Variants in CHD8 observed in about 807,000 individuals in gnomAD.
CHD8 encodes the protein ATP-dependent chromatin remodeler CHD8.
Under a neutral mutation model 279.2 loss-of-function variants are expected in CHD8, and 31 were observed. That is an observed-to-expected ratio of 0.11 (90% CI 0.08 to 0.15). The LOEUF (loss-of-function observed/expected upper bound fraction) is 0.15, where lower values mean the gene tolerates loss of function less well. Among genes scored for constraint, CHD8 ranks in the 10% least tolerant of loss-of-function variants. The pLI is 1.00. For synonymous variants in CHD8, 1,081 were observed against 1,139.6 expected (o/e 0.95, Z 1.04); for missense variants, 2,146 against 3,230.5 (o/e 0.66, Z 8.14).
In CHD8 at chr14:21,415,534, TAAATAAATA is replaced by T. The variant is rs1198811908; in HGVS notation, c.1968+31_1968+39del. 1.5e-5 allele frequency: 16 copies of T among 1,038,990 alleles called. No individual in the cohort carries two copies. In the African/African-American group the frequency reaches 2.7e-4, roughly 18 times the overall value. 64.4% of individuals were successfully genotyped at this position (1,038,990 alleles called of 1,614,324 possible). ...ATAAATAAATAAATAAATAAATAAATAAATAAATAAAAATAATAATAATAATAAAAAGCC... is the reference window on the plus strand; with the variant it reads ...ATAAATAAATAAATAAATAAATAAATAAAATAATAATAATAATAAAAAGCC... On this transcript the variant is annotated intron_variant, in intron 7 of 37. Transcript: ENST00000646647.
rs1256269187 is a variant in CHD8, at chr14:21,426,163, G to T, written c.1681C>A (p.Gln561Lys). 2 of 1,611,058 alleles carry T rather than the reference G, an allele frequency of 1.2e-6. No individual in the cohort carries two copies. Among genetic ancestry groups the T allele is most frequent in the Non-Finnish European group, 8.5e-7 (1 of 1,177,604 alleles). ...CTTTCTTCATCTTCTCGAGGTGACT[G>T]TGCAGGCATGACTTCCACATCTGAA... ...DNSDVEVMPA[Q>K]SPREDEESSI... Residue 561 changes from glutamine to lysine, a missense_variant, in exon 5 of 38, where the codon CAG becomes AAG. This residue lies in a region of CHD8 where 123 missense variants were observed against 169.2 expected (regional missense o/e 0.73). Transcript: ENST00000646647.
rs1264534217 is a variant in CHD8, at chr14:21,395,077, C to A, written c.5225G>T (p.Gly1742Val). Reference protein sequence around the residue: ...QQPGHLFWPPGSALTARLRRL... With the variant: ...QQPGHLFWPPVSALTARLRRL... ...CCGAAGCCTAGCTGTTAGGGCAGAG[C>A]CCGGAGGCCAGAATAAATGGCCTGG... is the stretch of plus-strand genomic sequence containing the variant. Residue 1742 changes from glycine to valine, a missense_variant, in exon 30 of 38, where the codon GGC becomes GTC. Gly to Val is a moderately radical substitution (Grantham distance 109, BLOSUM62 -3). Transcript: ENST00000646647. 1.2e-6 allele frequency: 2 copies of A among 1,613,986 alleles called. No individual in the cohort carries two copies. Among genetic ancestry groups the A allele is most frequent in the Non-Finnish European group, 1.7e-6 (2 of 1,179,894 alleles).
rs201002609 is a variant in CHD8 at position 21,403,594 on chromosome 14, T to C, written c.3377A>G (p.Gln1126Arg). The part of the protein sequence containing the change: ...CHIIPHDFHL[Q>R]AMVRSAGKLV... ...TTTGCCGGCTGAACGAACCATGGCC[T>C]GCAGGTGAAAGTCATGAGGTATAAT... Residue 1126 changes from glutamine (Q) to arginine (R), a missense_variant, in exon 17 of 38, where the codon CAG (glutamine) becomes CGG (arginine). Gln to Arg is a conservative substitution (Grantham distance 43). Transcript: ENST00000646647. The surrounding 1 kb of genome is among the most constrained non-coding windows in gnomAD (Gnocchi z 4.3). 6.2e-7 allele frequency: 1 copy of C among 1,611,764 alleles called. No individual in the cohort carries two copies.
In CHD8 at chr14:21,408,679, T is replaced by C. The variant is rs1273612427; in HGVS notation, c.2486+25A>G. 2 of 1,603,988 alleles carry C rather than the reference T, an allele frequency of 1.2e-6. No individual in the cohort carries two copies. Among genetic ancestry groups the C allele is most frequent in the Non-Finnish European group, 1.7e-6 (2 of 1,175,360 alleles). On this transcript the variant is annotated intron_variant, in intron 12 of 37. Coordinates refer to ENST00000646647, the MANE Select transcript of CHD8 (RefSeq NM_001170629.2). The surrounding 1 kb of genome is among the most constrained non-coding windows in gnomAD (Gnocchi z 4.3). Reference sequence around the variant, plus strand: ...AAATAATCCCAGAACTAAGCTTACATCTTATGGCCCATTCTTTCCTTTACC... The same window carrying C: ...AAATAATCCCAGAACTAAGCTTACACCTTATGGCCCATTCTTTCCTTTACC...
At chr14:21,387,610 C>T (rs1339336024) in intron 37 of CHD8, among the ~76,000 whole-genome samples, 1 of 147,028 alleles carries the variant, frequency 6.8e-6, no homozygotes, top group Non-Finnish European at 1.5e-5. Flanking sequence ...CTCCATCCAG[C>T]CTGGACAACA....
chr14:21,430,204 A>G (rs537744915), intron 2 of CHD8: 137 of 155,480 alleles, frequency 8.8e-4, no homozygotes, highest in Non-Finnish European at 1.5e-3. Flanking sequence ...CTGGGATCAC[A>G]GGTGAGAGAC....
Position 21,392,625 on chromosome 14 carries a change from C to T in CHD8, c.6653G>A (p.Ser2218Asn). The T allele has an allele frequency of 6.2e-7, 1 of 1,613,980 alleles. No individual in the cohort carries two copies. The highest frequency in any genetic ancestry group is 8.5e-7 in the Non-Finnish European group (1 of 1,179,882). Residue 2218 changes from serine (S) to asparagine (N), a missense_variant, in exon 34 of 38, where the codon AGT (serine) becomes AAT (asparagine). By Grantham distance (46) the Ser-to-Asn change is conservative. Transcript: ENST00000646647. ...YGDSPVPTPRSSSAASMAEEE... is the reference protein window; with the variant it reads ...YGDSPVPTPRNSSAASMAEEE... The stretch of plus-strand genomic sequence containing the variant: ...CTCTGCCATGGAAGCTGCACTACTA[C>T]TTCGTGGTGTGGGGACTGGAGAGTC...
intron 27 of CHD8, among the ~76,000 whole-genome samples, chr14:21,396,308 T>TTA (rs1166846078): frequency 2.0e-5 from 3 of 151,886 alleles, no homozygotes; most frequent in Admixed American, 6.6e-5. Context: ...ATTTTTATTT[T>TTA]TATATATATA....
intron 1 of CHD8, among the ~76,000 whole-genome samples, chr14:21,454,424 T>A (rs1890336524): frequency 6.6e-6 from 1 of 152,172 alleles, no homozygotes; most frequent in South Asian, 2.1e-4. Flanking sequence ...TTCAAGCGAT[T>A]TTCATGCCTT....
intron 11 of CHD8, 118 bp downstream of exon 11, chr14:21,409,733 G>A (rs117381843): frequency 7.5e-6 from 7 of 933,630 alleles, no homozygotes; most frequent in South Asian, 3.6e-5. Flanking sequence ...CCATTTCTTC[G>A]ATTTTTATAT....
chr14:21,409,789 T>C (rs1487025959), intron 11 of CHD8, 62 bp downstream of exon 11: 1 of 1,494,384 alleles, frequency 6.7e-7, no homozygotes, highest in East Asian at 2.3e-5. Flanking sequence ...AAAAATTTCA[T>C]AGGGGAAAAA....
chr14:21,437,596 A>G lies in CHD8; in HGVS notation c.-215-5738T>C, dbSNP rs2139556567. 2.0e-5 allele frequency among the ~76,000 whole-genome samples: 3 copies of G among 152,270 alleles called. No homozygotes were observed. The South Asian group carries it at 6.2e-4, about 32-fold the overall frequency. On this transcript the variant is annotated intron_variant, in intron 1 of 37. Coordinates refer to ENST00000646647, the MANE Select transcript of CHD8 (RefSeq NM_001170629.2). ...AACTTGGGAGGGAGGGTTCCGCGCT[A>G]GGCCAGCTCCGCCTCCCTCTGAATC... is the stretch of plus-strand genomic sequence containing the variant.
chr14:21,402,393 C>T lies in CHD8; in HGVS notation c.3825G>A (p.Leu1275=). ...ATTGAAGCACAGCCTTATCCAACCC[C>T]AACTTGAGGCTGGCCTTATCAAACA... ...REMFDKASLK[L]GLDKAVLQSM... is the part of the protein sequence containing the mutation. The change falls in exon 19 of 38, where the codon TTG becomes TTA. Residue 1275 remains leucine, a synonymous_variant. Transcript: ENST00000646647. The surrounding 1 kb of genome is among the most constrained non-coding windows in gnomAD (Gnocchi z 4.5). The T allele has an allele frequency of 6.2e-7, 1 of 1,614,068 alleles. No homozygotes were observed. Among genetic ancestry groups the T allele is most frequent in the Non-Finnish European group, 8.5e-7 (1 of 1,179,960 alleles).
At position 21,400,802 on chromosome 14, in the gene CHD8, A is replaced by T; in HGVS notation, c.4370+73T>A. On this transcript the variant is annotated intron_variant, in intron 22 of 37. Coordinates refer to ENST00000646647, the MANE Select transcript of CHD8 (RefSeq NM_001170629.2). This position sits in a 1 kb window ranked among gnomAD's most constrained non-coding sequence, Gnocchi z 4.2. ...TCTTTGATCATAGCCCCCAATTTGA[A>T]AGGCAAACCAAGAGTATCTATCAGG... 2 of 1,450,062 alleles carry T rather than the reference A, an allele frequency of 1.4e-6. No individual in the cohort carries two copies. The highest frequency in any genetic ancestry group is 1.9e-6 in the Non-Finnish European group (2 of 1,074,934). 89.8% of individuals were successfully genotyped at this position (1,450,062 alleles called of 1,614,324 possible).
At position 21,431,332 on chromosome 14, in the gene CHD8, C is replaced by T. The variant is rs929799421; in HGVS notation, c.312G>A (p.Gln104=). ...DYTTQPASQE[Q]PAQPVLQTST... ...ATGTCTGTAAGACAGGTTGGGCTGG[C>T]TGCTCCTGGCTGGCAGGCTGAGTGG... Residue 104 remains glutamine, a synonymous_variant, in exon 2 of 38, where the codon CAG becomes CAA. Coordinates refer to ENST00000646647, the MANE Select transcript of CHD8 (RefSeq NM_001170629.2). 1 of 1,541,120 alleles carries T rather than the reference C, an allele frequency of 6.5e-7. No individual in the cohort carries two copies. The highest frequency in any genetic ancestry group is 8.7e-7 in the Non-Finnish European group (1 of 1,149,212).
chr14:21,396,593 T>TATTTA, intron 27 of CHD8: 1 of 151,868 alleles, frequency 6.6e-6, no homozygotes, highest in African/African-American at 2.4e-5. Flanking sequence ...TTTATTTATT[T>TATTTA]TTTGAGATGG....
At chr14:21,436,873 G>C (rs1362865986) in intron 1 of CHD8, 7 of 1,046,966 alleles carry the variant, frequency 6.7e-6, no homozygotes, top group Admixed American at 2.3e-5. Flanking sequence ...CGACTGGGGT[G>C]GGGGTGGGGG....
intron 33 of CHD8, 33 bp from the exon 34 acceptor site, chr14:21,392,842 G>T (rs760613512): frequency 1.9e-6 from 3 of 1,599,844 alleles, no homozygotes; most frequent in African/African-American, 2.7e-5. Context: ...ACCATTTTAA[G>T]AGTCTGAGTA....
Position 21,429,290 on chromosome 14 carries a change from C to T in CHD8, c.889G>A (p.Gly297Arg). Residue 297 changes from glycine to arginine, a missense_variant, in exon 3 of 38, where the codon GGA becomes AGA. Physicochemically the swap from Gly to Arg is moderately radical, Grantham distance 125. Around this residue, in one of 26 missense-constraint regions of CHD8, gnomAD observed 170 missense variants for 189.9 expected, o/e 0.90. Transcript: ENST00000646647. ...ACATGCCGATGTCCTTGGGGACCTC[C>T]AGACTGTGGCTGCTGGAGGACCAGG... ...ITLVLQQPQS[G>R]GPQGHRHVVL... is the part of the protein sequence containing the mutation. 1 of 1,606,142 alleles carries T rather than the reference C, an allele frequency of 6.2e-7. No homozygotes were observed. Among genetic ancestry groups the T allele is most frequent in the Non-Finnish European group, 8.5e-7 (1 of 1,174,202 alleles).
Sources: gnomAD v4.1 joint callset for allele counts (sites outside exome capture counted in the v4.1 genomes callset) on GRCh38, gnomAD v4.1.1 for gene constraint, gnomAD v4.1.1 regional missense constraint, Gnocchi (gnomAD v3.1) non-coding constraint, MANE v1.5 for transcripts, NCBI Gene and HGNC (gene_info 2026-07-23, HGNC 2026-07-21) for gene names.